The following LRRTM3 variants were observed in gnomAD, a reference collection of about 807,000 sequenced individuals.
LRRTM3 encodes the protein leucine rich repeat transmembrane neuronal 3, also known as leucine-rich repeat transmembrane neuronal protein 3.
A neutral mutation model predicts 44.7 loss-of-function variants in LRRTM3; 24 were observed. That is an observed-to-expected ratio of 0.54 (90% CI 0.39 to 0.76). LRRTM3 has a LOEUF of 0.76. LRRTM3 is among the 30% of genes least tolerant of loss of function. The pLI is 0.00. For synonymous variants in LRRTM3, 277 were observed against 278.7 expected (o/e 0.99, Z 0.06); for missense variants, 587 against 702.2 (o/e 0.84, Z 1.85).
In LRRTM3 at chr10:67,101,173, T is replaced by C. The variant is rs908603297; in HGVS notation, c.*3377T>C. On this transcript the variant is annotated 3_prime_UTR_variant, in exon 3 of 3. Transcript: ENST00000361320. ...CAGATGCTCCCAAGATGTGGATGCATGTAGGCCCCGAGGTACAGACATAAA... is the reference window on the plus strand; with the variant it reads ...CAGATGCTCCCAAGATGTGGATGCACGTAGGCCCCGAGGTACAGACATAAA... Among the ~76,000 whole-genome samples the C allele has an allele frequency of 5.3e-5, 8 of 151,750 alleles. No homozygotes were observed. Among genetic ancestry groups the C allele is most frequent in the East Asian group, 1.9e-4 (1 of 5,146 alleles).
chr10:67,044,414 T>A (rs1854599432), intron 2 of LRRTM3, among the ~76,000 whole-genome samples: 1 of 151,936 alleles, frequency 6.6e-6, no homozygotes, highest in South Asian at 2.1e-4. Flanking sequence ...TTGTCAAAAA[T>A]TAATAAAAAC....
intron 2 of LRRTM3, among the ~76,000 whole-genome samples, chr10:66,940,976 G>T (rs979332156): frequency 2.6e-5 from 4 of 152,090 alleles, no homozygotes; most frequent in Non-Finnish European, 5.9e-5. Context: ...GTTTGCTGAA[G>T]AATCATTTTA....
intron 2 of LRRTM3, among the ~76,000 whole-genome samples, chr10:67,083,505 T>C (rs1040681288): frequency 6.6e-6 from 1 of 152,192 alleles, no homozygotes; most frequent in African/African-American, 2.4e-5. Context: ...ATTTCAACAA[T>C]GTGCTAATTT....
chr10:66,962,913 G>C (rs1032209885), intron 2 of LRRTM3, among the ~76,000 whole-genome samples: 1 of 152,028 alleles, frequency 6.6e-6, no homozygotes, highest in Non-Finnish European at 1.5e-5. Flanking sequence ...TTTTTGCCTG[G>C]TATGTTCACA....
intron 2 of LRRTM3, among the ~76,000 whole-genome samples, chr10:66,948,155 T>C (rs1341188172): frequency 1.3e-5 from 2 of 152,196 alleles, no homozygotes; most frequent in African/African-American, 2.4e-5. Flanking sequence ...ATTGTTATTG[T>C]AGTGCATCAC....
At chr10:67,019,830 C>T (rs939534759) in intron 2 of LRRTM3, among the ~76,000 whole-genome samples, 6 of 152,100 alleles carry the variant, frequency 3.9e-5, no homozygotes, top group African/African-American at 1.2e-4. Context: ...TCTAAGCGTC[C>T]GTTTATGAAC....
intron 2 of LRRTM3, among the ~76,000 whole-genome samples, chr10:67,005,280 C>T (rs980385276): frequency 5.9e-5 from 9 of 152,120 alleles, no homozygotes; most frequent in Non-Finnish European, 1.5e-5. Flanking sequence ...CTAATTTTCA[C>T]ATCTTTACCA....
intron 2 of LRRTM3, among the ~76,000 whole-genome samples, chr10:66,983,533 T>C (rs939934250): frequency 1.1e-4 from 17 of 150,892 alleles, no homozygotes; most frequent in African/African-American, 4.0e-4. Flanking sequence ...CCACTGCCAT[T>C]TTCTTCCCAA....
At chr10:66,933,743 G>T (rs35973901) in intron 2 of LRRTM3, among the ~76,000 whole-genome samples, 6,616 of 152,156 alleles carry the variant, frequency 0.043, 176 homozygotes, top group Middle Eastern at 0.085. Context: ...AATGTACAGG[G>T]ACTTCCTTTT....
rs1847185313 is a variant in LRRTM3 at position 66,928,235 on chromosome 10, T to C, written c.1319T>C (p.Val440Ala). 2 of 1,614,068 alleles carry C rather than the reference T, an allele frequency of 1.2e-6. No homozygotes were observed. Among genetic ancestry groups the C allele is most frequent in the Non-Finnish European group, 1.7e-6 (2 of 1,180,032 alleles). Residue 440 changes from valine to alanine, a missense_variant, in exon 2 of 3, where the codon GTG becomes GCG. Around this residue, in one of 3 missense-constraint regions of LRRTM3, gnomAD observed 315 missense variants for 335.6 expected, o/e 0.94. Transcript: ENST00000361320. Reference sequence around the variant, plus strand: ...CTCGTCATCCTGCTGGTTATCTACGTGTCATGGAAGCGGTACCCTGCGAGC... The same window carrying C: ...CTCGTCATCCTGCTGGTTATCTACGCGTCATGGAAGCGGTACCCTGCGAGC... ...SVLVILLVIY[V>A]SWKRYPASMK...
intron 2 of LRRTM3, among the ~76,000 whole-genome samples, chr10:67,025,089 A>G (rs182347216): frequency 6.8e-6 from 1 of 146,174 alleles, no homozygotes; most frequent in South Asian, 2.2e-4. Context: ...AGATCATGCC[A>G]TTGCACACTC....
At chr10:67,086,576 T>C (rs1319243165) in intron 2 of LRRTM3, among the ~76,000 whole-genome samples, 1 of 151,950 alleles carries the variant, frequency 6.6e-6, no homozygotes. Flanking sequence ...AAAAACGTAG[T>C]CTGTTTTATA....
intron 2 of LRRTM3, among the ~76,000 whole-genome samples, chr10:67,038,416 C>T (rs1039790954): frequency 1.7e-4 from 26 of 151,870 alleles, no homozygotes; most frequent in Admixed American, 7.2e-4. Flanking sequence ...AACAAAAATA[C>T]GTACTATAAG....
chr10:66,991,944 T>A (rs1225078046), intron 2 of LRRTM3, among the ~76,000 whole-genome samples: 1 of 152,156 alleles, frequency 6.6e-6, no homozygotes, highest in African/African-American at 2.4e-5. Context: ...CCTTCATACC[T>A]CCCCTTTCAG....
chr10:67,028,234 T>C (rs963654370), intron 2 of LRRTM3, among the ~76,000 whole-genome samples: 2 of 152,196 alleles, frequency 1.3e-5, no homozygotes, highest in African/African-American at 4.8e-5. Context: ...GGTTTGTCAT[T>C]GTTTGTTTGT....
chr10:66,980,042 C>T (rs1292091254), intron 2 of LRRTM3, among the ~76,000 whole-genome samples: 1 of 152,038 alleles, frequency 6.6e-6, no homozygotes, highest in Non-Finnish European at 1.5e-5. Context: ...CACTTTTTTC[C>T]CTAAAATGTT....
chr10:66,957,050 A>C (rs1848829809), intron 2 of LRRTM3, among the ~76,000 whole-genome samples: 1 of 152,172 alleles, frequency 6.6e-6, no homozygotes, highest in South Asian at 2.1e-4. Context: ...AATGCTACCT[A>C]GCTCTGTCTA....
intron 2 of LRRTM3, among the ~76,000 whole-genome samples, chr10:67,092,526 T>G (rs1007125190): frequency 2.0e-5 from 3 of 152,092 alleles, no homozygotes. Context: ...GAAATTCATA[T>G]GAATGTTCAT....
intron 2 of LRRTM3, among the ~76,000 whole-genome samples, chr10:67,039,307 C>A (rs1364650875): frequency 1.3e-5 from 2 of 152,018 alleles, no homozygotes; most frequent in Non-Finnish European, 2.9e-5. Context: ...AATTATATTT[C>A]CAGTTAACAT....
Sources: allele counts gnomAD v4.1 joint callset (sites outside exome capture counted in the v4.1 genomes callset), GRCh38; gene constraint gnomAD v4.1.1; regional missense constraint gnomAD v4.1.1; transcripts MANE v1.5; gene names NCBI Gene and HGNC (gene_info 2026-07-23, HGNC 2026-07-21).